PEX5L: variants seen among roughly 807,000 people sequenced by gnomAD.
PEX5L encodes the protein peroxisomal biogenesis factor 5 like, also known as PEX5-related protein.
Under a neutral mutation model 84.0 loss-of-function variants are expected in PEX5L, and 30 were observed. The ratio of observed to expected loss-of-function variants is 0.36; its 90% CI spans 0.27 to 0.48. The LOEUF is 0.48. Among genes scored for constraint, PEX5L ranks in the 20% least tolerant of loss-of-function variants. PEX5L has a pLI of 0.99. For synonymous variants in PEX5L, 270 were observed against 283.1 expected (o/e 0.95, Z 0.46); for missense variants, 533 against 754.6 (o/e 0.71, Z 3.44).
chr3:179,879,832 C>A, intron 5 of PEX5L, 97 bp downstream of exon 5: 1 of 835,848 alleles, frequency 1.2e-6, no homozygotes, highest in South Asian at 2.3e-5. Context: ...TTTTCTACTC[C>A]TTTGTTCTCT....
chr3:179,885,574 AG>A (rs2108830193), intron 4 of PEX5L, among the ~76,000 whole-genome samples: 1 of 149,290 alleles, frequency 6.7e-6, no homozygotes, highest in South Asian at 2.3e-4. Context: ...TGAACCCAGG[AG>A]GCGGAGGTTG....
At chr3:179,934,492 C>A (rs961446483) in intron 2 of PEX5L, among the ~76,000 whole-genome samples, 2 of 152,136 alleles carry the variant, frequency 1.3e-5, no homozygotes, top group African/African-American at 4.8e-5. Flanking sequence ...ACACTGTGAA[C>A]CTTATTTTGT....
chr3:179,987,129 T>G (rs143001035), intron 1 of PEX5L, among the ~76,000 whole-genome samples: 12 of 152,104 alleles, frequency 7.9e-5, no homozygotes, highest in African/African-American at 2.7e-4. Context: ...CCTTCAGTTG[T>G]TAAGAAAAAA....
At chr3:179,842,609 T>C (rs1312063288) in intron 8 of PEX5L, among the ~76,000 whole-genome samples, 6 of 152,128 alleles carry the variant, frequency 3.9e-5, no homozygotes, top group Admixed American at 6.5e-5. Context: ...CTTTGTAACA[T>C]GTCCCTTGTA....
intron 2 of PEX5L, chr3:179,900,844 T>G (rs1761068982): frequency 2.9e-6 from 2 of 694,968 alleles, no homozygotes; most frequent in Admixed American, 4.5e-5. Context: ...GTTTTACAAG[T>G]GCGGTACAGT....
chr3:179,875,128 G>A (rs969241595), intron 6 of PEX5L, among the ~76,000 whole-genome samples: 2 of 141,774 alleles, frequency 1.4e-5, no homozygotes, highest in Non-Finnish European at 3.0e-5. Context: ...TAACAATGTT[G>A]ATTTAAGAAT....
chr3:179,942,770 A>G (rs80214758), intron 2 of PEX5L, among the ~76,000 whole-genome samples: 5,236 of 152,260 alleles, frequency 0.034, 307 homozygotes, highest in African/African-American at 0.12. Context: ...GGGAGTTAGC[A>G]TGTGTGGTGA....
chr3:179,943,052 T>C (rs1309432170), intron 2 of PEX5L, among the ~76,000 whole-genome samples: 1 of 152,244 alleles, frequency 6.6e-6, no homozygotes, highest in Non-Finnish European at 1.5e-5. Flanking sequence ...TCAAATGACG[T>C]AACATATACC....
chr3:179,859,173 C>T lies in PEX5L; in HGVS notation c.727-16G>A, dbSNP rs202217265. The T allele has an allele frequency of 2.6e-6, 4 of 1,558,680 alleles. No individual in the cohort carries two copies. In the African/African-American group the frequency reaches 4.1e-5, roughly 16 times the overall value. On this transcript the variant is annotated splice_polypyrimidine_tract_variant and intron_variant, in intron 7 of 14. Transcript: ENST00000467460. ...TCAGTCGAGCCTGAAATCAATCATA[C>T]ACATAGTGTTATAATATTAGAATCA...
intron 8 of PEX5L, among the ~76,000 whole-genome samples, chr3:179,842,556 G>A (rs1737694941): frequency 1.3e-5 from 2 of 152,054 alleles, no homozygotes; most frequent in African/African-American, 4.8e-5. Flanking sequence ...AGAACAGTAT[G>A]TAGAGTCATT....
intron 10 of PEX5L, 32 bp downstream of exon 10, chr3:179,815,829 C>T (rs766658305): frequency 1.2e-6 from 2 of 1,612,492 alleles, no homozygotes; most frequent in Admixed American, 3.3e-5. Flanking sequence ...CATGCCCTTT[C>T]TGAGTCTGGC....
intron 2 of PEX5L, among the ~76,000 whole-genome samples, chr3:179,959,067 A>T (rs527585575): frequency 2.6e-5 from 4 of 152,176 alleles, no homozygotes; most frequent in Middle Eastern, 3.4e-3. Context: ...ACCGAAAAAA[A>T]AAAAATAAAA....
intron 1 of PEX5L, among the ~76,000 whole-genome samples, chr3:179,998,250 T>C (rs140406895): frequency 0.041 from 6,208 of 152,288 alleles, 417 homozygotes; most frequent in African/African-American, 0.14. Context: ...TGGGCCTATC[T>C]GGATTTTGGA....
At chr3:179,994,533 T>G (rs370822364) in intron 1 of PEX5L, among the ~76,000 whole-genome samples, 1 of 152,150 alleles carries the variant, frequency 6.6e-6, no homozygotes, top group Non-Finnish European at 1.5e-5. Context: ...TAGGGCACAC[T>G]TGACACCCCT....
At chr3:179,892,052 AAAT>A (rs1757785994) in intron 3 of PEX5L, among the ~76,000 whole-genome samples, 2 of 152,176 alleles carry the variant, frequency 1.3e-5, no homozygotes. Context: ...GATGTTATAC[AAAT>A]AATAAAAAGT....
At chr3:179,833,285 T>C (rs1733809452) in intron 8 of PEX5L, among the ~76,000 whole-genome samples, 1 of 152,224 alleles carries the variant, frequency 6.6e-6, no homozygotes, top group Non-Finnish European at 1.5e-5. Context: ...ATTGAATATG[T>C]ATAGTTTTAA....
chr3:179,806,975 G>A (rs1415701292), intron 14 of PEX5L, among the ~76,000 whole-genome samples: 1 of 151,866 alleles, frequency 6.6e-6, no homozygotes, highest in African/African-American at 2.4e-5. Flanking sequence ...AAGTAATACC[G>A]GTTTATTTAG....
intron 9 of PEX5L, among the ~76,000 whole-genome samples, chr3:179,818,862 T>C (rs1028525226): frequency 6.7e-6 from 1 of 149,100 alleles, no homozygotes; most frequent in African/African-American, 2.5e-5. Flanking sequence ...TTTTTTTTTT[T>C]AAGACAGGGT....
chr3:179,816,688 TAACA>T lies in PEX5L; in HGVS notation c.940-688_940-685del, dbSNP rs568686432. ...CCACCATGGCACGTGTATACCTATG[TAACA>T]AACTTGCATGTTCTGCACAGGTATC... On this transcript the variant is annotated intron_variant, in intron 9 of 14. Coordinates refer to ENST00000467460, the MANE Select transcript of PEX5L (RefSeq NM_016559.3). 2.0e-4 allele frequency among the ~76,000 whole-genome samples: 31 copies of T among 152,310 alleles called. No individual in the cohort carries two copies. The East Asian group carries it at 5.4e-3, about 27-fold the overall frequency.
Sources: allele counts gnomAD v4.1 joint callset (sites outside exome capture counted in the v4.1 genomes callset), GRCh38; gene constraint gnomAD v4.1.1; transcripts MANE v1.5; gene names NCBI Gene and HGNC (gene_info 2026-07-23, HGNC 2026-07-21).